The following TBC1D20 variants were observed in gnomAD, a reference collection of about 807,000 sequenced individuals.
TBC1D20 encodes the protein chromosome 20 open reading frame 140.
TBC1D20 carries 12 observed loss-of-function variants against 41.6 expected under a neutral mutation model. The ratio of observed to expected loss-of-function variants is 0.29; its 90% CI spans 0.18 to 0.47. The LOEUF (loss-of-function observed/expected upper bound fraction) is 0.47, where lower values mean the gene tolerates loss of function less well. Among genes scored for constraint, TBC1D20 ranks in the 20% least tolerant of loss-of-function variants. The pLI is 1.00. For missense variants in TBC1D20, 421 were observed against 517.4 expected, an observed-to-expected ratio of 0.81 and a Z score of 1.81; for synonymous variants, 205 against 204.8, an observed-to-expected ratio of 1.00 and a Z score of -0.01.
intron 5 of TBC1D20, 124 bp downstream of exon 5, chr20:441,464 G>A: frequency 1.2e-6 from 1 of 807,250 alleles, no homozygotes; most frequent in South Asian, 1.5e-5. Context: ...GAACAACTGG[G>A]GAGAACTTAA....
At chr20:454,307 T>C (rs546985382) in intron 1 of TBC1D20, among the ~76,000 whole-genome samples, 1 of 141,684 alleles carries the variant, frequency 7.1e-6, no homozygotes, top group Non-Finnish European at 1.5e-5. Flanking sequence ...AAAAAAAAAG[T>C]GTACGAGTTG....
chr20:449,458 G>T (rs550416548), intron 1 of TBC1D20, among the ~76,000 whole-genome samples: 2 of 151,312 alleles, frequency 1.3e-5, no homozygotes, highest in Non-Finnish European at 2.9e-5. Flanking sequence ...AGCCAGGCGT[G>T]GTGGCATGCA....
intron 2 of TBC1D20, among the ~76,000 whole-genome samples, chr20:446,881 C>G (rs934782007): frequency 6.6e-6 from 1 of 151,992 alleles, no homozygotes; most frequent in Non-Finnish European, 1.5e-5. Flanking sequence ...ACCCTCCTGC[C>G]TCAGCCTCCG....
At chr20:453,541 T>C (rs1048108414) in intron 1 of TBC1D20, among the ~76,000 whole-genome samples, 1 of 112,550 alleles carries the variant, frequency 8.9e-6, no homozygotes, top group African/African-American at 4.3e-5. Context: ...TAATCCAGCA[T>C]TTTTTTTTTT....
chr20:445,369 G>A (rs961013185), intron 2 of TBC1D20, among the ~76,000 whole-genome samples: 30 of 152,206 alleles, frequency 2.0e-4, no homozygotes, highest in Admixed American at 6.5e-5. Flanking sequence ...AGACAATACA[G>A]CAGGGTGGGA....
chr20:439,824 G>A lies in TBC1D20; in HGVS notation c.768+424C>T, dbSNP rs1030737600. 3.3e-5 allele frequency among the ~76,000 whole-genome samples: 5 copies of A among 152,126 alleles called. No individual in the cohort carries two copies. The highest frequency in any genetic ancestry group is 2.9e-5 in the Non-Finnish European group (2 of 68,036). On this transcript the variant is annotated intron_variant, in intron 6 of 7. Coordinates refer to ENST00000354200, the MANE Select transcript of TBC1D20 (RefSeq NM_144628.4). This position sits in a 1 kb window ranked among gnomAD's most constrained non-coding sequence, Gnocchi z 4.6. ...CCTCAAGACCCTTCTACTAACTGAA[G>A]CCCCTACCCTCCACCGCAAGCCGCC...
intron 1 of TBC1D20, among the ~76,000 whole-genome samples, chr20:456,545 A>T (rs967207872): frequency 1.3e-5 from 2 of 152,010 alleles, no homozygotes; most frequent in African/African-American, 4.8e-5. Flanking sequence ...GAAAATCCAG[A>T]GGAAAGAATG....
At chr20:457,532 C>A (rs1018537660) in intron 1 of TBC1D20, among the ~76,000 whole-genome samples, 3 of 152,144 alleles carry the variant, frequency 2.0e-5, no homozygotes, top group African/African-American at 7.2e-5. Context: ...CTGGTACGTT[C>A]TTAAAGAAAA....
chr20:446,282 C>T (rs548112574), intron 2 of TBC1D20, among the ~76,000 whole-genome samples: 1 of 152,360 alleles, frequency 6.6e-6, no homozygotes, highest in African/African-American at 2.4e-5. Flanking sequence ...TTAGGTAACT[C>T]TTTTCACAGA....
chr20:444,562 GTTTT>G (rs3830930), intron 3 of TBC1D20, among the ~76,000 whole-genome samples: 65,001 of 151,586 alleles, frequency 0.43, 14,134 homozygotes, highest in Middle Eastern at 0.49. Context: ...TTGTTTGTTT[GTTTT>G]GTTTTTATTT....
At chr20:458,295 C>T (rs1369039986) in intron 1 of TBC1D20, among the ~76,000 whole-genome samples, 2 of 151,806 alleles carry the variant, frequency 1.3e-5, no homozygotes, top group Admixed American at 1.3e-4. Context: ...TAACTCATTT[C>T]TCTTAAGACT....
chr20:457,124 C>G (rs944202112), intron 1 of TBC1D20, among the ~76,000 whole-genome samples: 1 of 151,890 alleles, frequency 6.6e-6, no homozygotes, highest in East Asian at 1.9e-4. Flanking sequence ...TTAGTAGAGA[C>G]AGGGTTTTTC....
chr20:452,254 C>T (rs943330181), intron 1 of TBC1D20, among the ~76,000 whole-genome samples: 5 of 152,138 alleles, frequency 3.3e-5, no homozygotes, highest in African/African-American at 9.7e-5. Context: ...CTGGAGTGAG[C>T]CAAGATCGCA....
At chr20:454,439 A>T (rs933533595) in intron 1 of TBC1D20, among the ~76,000 whole-genome samples, 19 of 152,076 alleles carry the variant, frequency 1.2e-4, no homozygotes, top group African/African-American at 3.9e-4. Context: ...CAGTAAATAG[A>T]CTAATTAAAA....
intron 3 of TBC1D20, among the ~76,000 whole-genome samples, chr20:442,275 A>G (rs2017249688): frequency 6.6e-6 from 1 of 152,242 alleles, no homozygotes; most frequent in Admixed American, 6.5e-5. Context: ...GCTGCAGTTA[A>G]TACTGCTGGG....
At chr20:462,006 G>A (rs2017640077) in intron 1 of TBC1D20, among the ~76,000 whole-genome samples, 1 of 152,218 alleles carries the variant, frequency 6.6e-6, no homozygotes, top group Non-Finnish European at 1.5e-5. Context: ...GGGACGGGGT[G>A]GGCCTGGCCT....
rs941359841 is a variant in TBC1D20 at position 439,893 on chromosome 20, T to C, written c.768+355A>G. ...ACCAGATCTCTTCTTTTCTTAAATC[T>C]GGAGTTGACAGCTTACGCTACTATT... On this transcript the variant is annotated intron_variant, in intron 6 of 7. Coordinates refer to ENST00000354200, the MANE Select transcript of TBC1D20 (RefSeq NM_144628.4). This position sits in a 1 kb window ranked among gnomAD's most constrained non-coding sequence, Gnocchi z 4.6. 1.3e-5 allele frequency among the ~76,000 whole-genome samples: 2 copies of C among 152,218 alleles called. No individual in the cohort carries two copies. The highest frequency in any genetic ancestry group is 4.8e-5 in the African/African-American group (2 of 41,450).
chr20:457,071 G>T (rs1226581493), intron 1 of TBC1D20, among the ~76,000 whole-genome samples: 1 of 151,334 alleles, frequency 6.6e-6, no homozygotes, highest in Non-Finnish European at 1.5e-5. Flanking sequence ...CGAGTAGCTG[G>T]GATTACAGGC....
In TBC1D20 at chr20:460,619, G is replaced by A. The variant is rs539482390; in HGVS notation, c.70+1717C>T. On this transcript the variant is annotated intron_variant, in intron 1 of 7. Transcript: ENST00000354200. Reference sequence around the variant, plus strand: ...CAGTATCCAAATTAGCAAAGATTCTGTTAACTACCTGGAAAAAGCAGGTAC... The same window carrying A: ...CAGTATCCAAATTAGCAAAGATTCTATTAACTACCTGGAAAAAGCAGGTAC... Among the ~76,000 whole-genome samples the A allele has an allele frequency of 1.7e-3, 263 of 152,148 alleles. 1 individual carries two copies. Among genetic ancestry groups the A allele is most frequent in the African/African-American group, 6.1e-3 (253 of 41,488 alleles).
Sources: gnomAD v4.1 joint callset for allele counts (sites outside exome capture counted in the v4.1 genomes callset) on GRCh38, gnomAD v4.1.1 for gene constraint, Gnocchi (gnomAD v3.1) non-coding constraint, MANE v1.5 for transcripts, NCBI Gene and HGNC (gene_info 2026-07-23, HGNC 2026-07-21) for gene names.